Variants in NTM observed in about 807,000 individuals in gnomAD.
The protein encoded by NTM is neurotrimin.
In NTM, 13 loss-of-function variants were observed where a neutral mutation model predicts 42.1. That is an observed-to-expected ratio of 0.31 (90% CI 0.20 to 0.49). The LOEUF (loss-of-function observed/expected upper bound fraction) is 0.49. Ranked by LOEUF, NTM falls within the 20% of genes least tolerant of loss-of-function variation. The pLI is 0.99. For synonymous variants in NTM, 187 were observed against 179.2 expected, an observed-to-expected ratio of 1.04 and a Z score of -0.35; for missense variants, 373 against 452.8, an observed-to-expected ratio of 0.82 and a Z score of 1.60.
intron 4 of NTM, among the ~76,000 whole-genome samples, chr11:132,234,409 T>C (rs1236959522): frequency 6.6e-6 from 1 of 152,170 alleles, no homozygotes; most frequent in African/African-American, 2.4e-5. Flanking sequence ...CAAACCCATA[T>C]TTTACCATCA....
chr11:131,563,411 A>G (rs2056474426), intron 1 of NTM, among the ~76,000 whole-genome samples: 1 of 152,158 alleles, frequency 6.6e-6, no homozygotes, highest in Admixed American at 6.5e-5. Context: ...AGACTGCAAG[A>G]AAAATCTTCC....
chr11:131,637,997 T>C (rs2064628949), intron 1 of NTM, among the ~76,000 whole-genome samples: 1 of 152,132 alleles, frequency 6.6e-6, no homozygotes, highest in Non-Finnish European at 1.5e-5. Context: ...ATGTCCTCAG[T>C]AGCCGTATTT....
chr11:132,292,786 G>GAAA (rs2094490382), intron 4 of NTM, among the ~76,000 whole-genome samples: 1 of 17,716 alleles, frequency 5.6e-5, no homozygotes. Context: ...GGATGTAAAA[G>GAAA]TAAAAAAAAA....
chr11:131,498,750 G>C (rs564807434), intron 1 of NTM, among the ~76,000 whole-genome samples: 1 of 152,220 alleles, frequency 6.6e-6, no homozygotes, highest in Non-Finnish European at 1.5e-5. Context: ...AAGGGCTGGG[G>C]GGAAGCCAGG....
chr11:132,205,603 G>T (rs3133870), intron 3 of NTM, among the ~76,000 whole-genome samples: 68,062 of 151,786 alleles, frequency 0.45, 15,696 homozygotes, highest in Middle Eastern at 0.56. Flanking sequence ...TTGGTCTTTC[G>T]GTTTCTATAA....
At chr11:131,789,636 A>AGAAGAAAAG (rs1555127949) in intron 1 of NTM, among the ~76,000 whole-genome samples, 4 of 30,894 alleles carry the variant, frequency 1.3e-4, no homozygotes, top group East Asian at 1.1e-3. Flanking sequence ...AAGAAGAAGA[A>AGAAGAAAAG]AAGAAGAAGA....
chr11:132,323,749 T>C (rs2095620541), intron 7 of NTM, among the ~76,000 whole-genome samples: 1 of 152,110 alleles, frequency 6.6e-6, no homozygotes, highest in Non-Finnish European at 1.5e-5. Context: ...ACCAATATCC[T>C]TGATGAACAT....
chr11:132,307,318 G>T (rs577075629), intron 4 of NTM, among the ~76,000 whole-genome samples: 1 of 152,262 alleles, frequency 6.6e-6, no homozygotes, highest in African/African-American at 2.4e-5. Context: ...CAGTCTAAGT[G>T]ATACCTTGAG....
chr11:131,879,685 T>G (rs2049160550), intron 1 of NTM, among the ~76,000 whole-genome samples: 1 of 152,210 alleles, frequency 6.6e-6, no homozygotes, highest in Admixed American at 6.5e-5. Context: ...TTGATTTTTT[T>G]GTCACCTTTG....
chr11:131,972,384 AAAC>A (rs1446925709), intron 2 of NTM, among the ~76,000 whole-genome samples: 3 of 152,144 alleles, frequency 2.0e-5, no homozygotes, highest in Non-Finnish European at 2.9e-5. Context: ...TTTTCAAAGA[AAAC>A]AAATAATAAT....
chr11:131,991,518 T>G (rs1352319975), intron 2 of NTM, among the ~76,000 whole-genome samples: 2 of 152,198 alleles, frequency 1.3e-5, no homozygotes, highest in African/African-American at 2.4e-5. Flanking sequence ...GACATAAGCA[T>G]AGCCCATATC....
chr11:131,569,495 A>G (rs1035410780), intron 1 of NTM, among the ~76,000 whole-genome samples: 7 of 149,818 alleles, frequency 4.7e-5, no homozygotes, highest in Non-Finnish European at 1.5e-5. Context: ...GACATTTCAT[A>G]TGTCTTTTAA....
chr11:132,087,773 G>C (rs1201087246), intron 2 of NTM, among the ~76,000 whole-genome samples: 1 of 152,238 alleles, frequency 6.6e-6, no homozygotes, highest in Non-Finnish European at 1.5e-5. Flanking sequence ...GAAGACCTGG[G>C]GGAAGAACCT....
At chr11:131,760,877 G>A (rs1269281494) in intron 1 of NTM, among the ~76,000 whole-genome samples, 1 of 152,198 alleles carries the variant, frequency 6.6e-6, no homozygotes, top group Non-Finnish European at 1.5e-5. Context: ...GCTGGAGAAT[G>A]ATCTCCACGT....
At chr11:132,005,564 G>T (rs2070582055) in intron 2 of NTM, among the ~76,000 whole-genome samples, 2 of 152,176 alleles carry the variant, frequency 1.3e-5, no homozygotes, top group Non-Finnish European at 2.9e-5. Flanking sequence ...TCATCAATTT[G>T]TTGTGTGTAT....
chr11:131,964,359 A>G (rs188827109), intron 2 of NTM, among the ~76,000 whole-genome samples: 35 of 152,248 alleles, frequency 2.3e-4, no homozygotes, highest in Non-Finnish European at 5.9e-5. Flanking sequence ...TTTTCCGTGT[A>G]TTTTTAACTA....
At chr11:131,815,588 G>T (rs1333082567) in intron 1 of NTM, among the ~76,000 whole-genome samples, 1 of 152,130 alleles carries the variant, frequency 6.6e-6, no homozygotes, top group Admixed American at 6.5e-5. Context: ...TTTGTCCTGT[G>T]CTCTGCAGAG....
At chr11:132,145,641 T>C (rs1158984006) in intron 2 of NTM, among the ~76,000 whole-genome samples, 1 of 152,232 alleles carries the variant, frequency 6.6e-6, no homozygotes, top group East Asian at 1.9e-4. Flanking sequence ...AGTCTAGCAG[T>C]TAACCGAACA....
chr11:131,520,508 C>T (rs986741992), intron 1 of NTM, among the ~76,000 whole-genome samples: 1 of 152,168 alleles, frequency 6.6e-6, no homozygotes, highest in Non-Finnish European at 1.5e-5. Flanking sequence ...GTCCAGCATA[C>T]TTCTGTGGTG....
Sources: gnomAD v4.1 joint callset for allele counts (sites outside exome capture counted in the v4.1 genomes callset) on GRCh38, gnomAD v4.1.1 for gene constraint, MANE v1.5 for transcripts, NCBI Gene and HGNC (gene_info 2026-07-23, HGNC 2026-07-21) for gene names.